Variants in FLRT2 observed in about 807,000 individuals in gnomAD.
FLRT2 encodes the protein leucine-rich repeat transmembrane protein FLRT2.
A neutral mutation model predicts 40.0 loss-of-function variants in FLRT2; 15 were observed. That is an observed-to-expected ratio of 0.38 (90% CI 0.25 to 0.58). FLRT2 has a LOEUF of 0.58. FLRT2 is among the 20% of genes least tolerant of loss of function. The pLI is 0.71. For synonymous variants in FLRT2, 380 were observed against 336.8 expected, an observed-to-expected ratio of 1.13 and a Z score of -1.41; for missense variants, 726 against 840.0, an observed-to-expected ratio of 0.86 and a Z score of 1.68.
chr14:85,567,635 A>ATTTT (rs34161461), intron 1 of FLRT2, among the ~76,000 whole-genome samples: 2 of 75,060 alleles, frequency 2.7e-5, no homozygotes, highest in African/African-American at 4.9e-5. Flanking sequence ...AGTGACTTAC[A>ATTTT]TTTTTTTTTT....
Position 85,621,608 on chromosome 14 carries a change from A to G in FLRT2, c.94A>G (p.Lys32Glu). The G allele has an allele frequency of 6.2e-7, 1 of 1,614,084 alleles. No individual in the cohort carries two copies. The highest frequency in any genetic ancestry group is 8.5e-7 in the Non-Finnish European group (1 of 1,180,018). ...CCTGGGGCTCTACTCACAGGTGTCCAAACTCCTGGCCTGCCCTAGTGTGTG... is the reference window on the plus strand; with the variant it reads ...CCTGGGGCTCTACTCACAGGTGTCCGAACTCCTGGCCTGCCCTAGTGTGTG... The part of the protein sequence containing the change: ...ISLGLYSQVS[K>E]LLACPSVCRC... The change falls in exon 2 of 2, where the codon AAA becomes GAA. Residue 32 changes from lysine (K) to glutamate (E), a missense_variant. Physicochemically the swap from Lys to Glu is moderately conservative, Grantham distance 56. This residue lies in a region of FLRT2 where 106 missense variants were observed against 121.2 expected (regional missense o/e 0.87). Transcript: ENST00000330753.
chr14:85,595,066 G>T (rs1280103350), intron 1 of FLRT2, among the ~76,000 whole-genome samples: 2 of 152,070 alleles, frequency 1.3e-5, no homozygotes, highest in African/African-American at 2.4e-5. Context: ...GAAGAGGAGG[G>T]GTTGGTCTTG....
At chr14:85,542,211 T>C (rs74068821) in intron 1 of FLRT2, among the ~76,000 whole-genome samples, 2,245 of 152,308 alleles carry the variant, frequency 0.015, 49 homozygotes, top group African/African-American at 0.051. Context: ...TCTTACTGTT[T>C]CTACTGCAGA....
At position 85,623,476 on chromosome 14, in the gene FLRT2, C is replaced by A. The variant is rs759725567; in HGVS notation, c.1962C>A (p.Asp654Glu). The stretch of plus-strand genomic sequence containing the variant: ...GATACTGCAACAGCAGCGTGCCAGA[C>A]CTGGAGCACTGCCATACGTGACAGC... ...NMRYCNSSVPDLEHCHT is the reference protein window; with the variant it reads ...NMRYCNSSVPELEHCHT Residue 654 changes from aspartate (D) to glutamate (E), a missense_variant, in exon 2 of 2, where the codon GAC (aspartate) becomes GAA (glutamate). Asp to Glu is a conservative substitution (Grantham distance 45). Coordinates refer to ENST00000330753, the MANE Select transcript of FLRT2 (RefSeq NM_013231.6). The A allele has an allele frequency of 2.1e-6, 3 of 1,449,128 alleles. No homozygotes were observed. Among genetic ancestry groups the A allele is most frequent in the Non-Finnish European group, 9.1e-7 (1 of 1,101,154 alleles). The allele number at this position is 1,449,128 out of a possible 1,614,324, so 89.8% of individuals were successfully genotyped here.
At chr14:85,551,608 G>A (rs8022265) in intron 1 of FLRT2, 30,196 of 152,046 alleles carry the variant, frequency 0.2, 3,504 homozygotes, top group African/African-American at 0.3. Flanking sequence ...ATGAATGCAT[G>A]CATACATGGA....
chr14:85,652,971 A>C lies in FLRT2; in HGVS notation c.*29474A>C, dbSNP rs1160816046. 1 of 152,144 alleles carries C rather than the reference A, an allele frequency of 6.6e-6. No homozygotes were observed. The highest frequency in any genetic ancestry group is 2.4e-5 in the African/African-American group (1 of 41,452). 9.4% of individuals were successfully genotyped at this position (152,144 alleles called of 1,614,324 possible). ...GGGGAATGTCATAGTTCATTCTGTG[A>C]GTGGAAGTTGCCTTTAACCACATGA... On this transcript the variant is annotated 3_prime_UTR_variant, in exon 2 of 2. Coordinates refer to ENST00000330753, the MANE Select transcript of FLRT2 (RefSeq NM_013231.6).
At chr14:85,557,902 G>C (rs1173394512) in intron 1 of FLRT2, among the ~76,000 whole-genome samples, 1 of 152,148 alleles carries the variant, frequency 6.6e-6, no homozygotes, top group Non-Finnish European at 1.5e-5. Context: ...TATGTCGCTA[G>C]TTCATGGTAG....
At chr14:85,613,236 G>C (rs376380702) in intron 1 of FLRT2, among the ~76,000 whole-genome samples, 6 of 152,118 alleles carry the variant, frequency 3.9e-5, no homozygotes, top group Admixed American at 6.5e-5. Flanking sequence ...AGCCATCATA[G>C]AACTGAACTG....
chr14:85,614,975 T>G (rs920128320), intron 1 of FLRT2, among the ~76,000 whole-genome samples: 21 of 152,332 alleles, frequency 1.4e-4, no homozygotes, highest in Non-Finnish European at 2.1e-4. Flanking sequence ...TTATTAGTAC[T>G]CTCTCAATTT....
At chr14:85,535,900 T>TG (rs1566713994) in intron 1 of FLRT2, among the ~76,000 whole-genome samples, 182 of 69,490 alleles carry the variant, frequency 2.6e-3, no homozygotes, top group Non-Finnish European at 4.0e-3. Flanking sequence ...CTGTTTTTTT[T>TG]TTTTTTTTTT....
Position 85,639,254 on chromosome 14 carries a change from T to A in FLRT2, c.*15757T>A, listed in dbSNP as rs947778396. On this transcript the variant is annotated 3_prime_UTR_variant, in exon 2 of 2. Coordinates refer to ENST00000330753, the MANE Select transcript of FLRT2 (RefSeq NM_013231.6). Reference sequence around the variant, plus strand: ...GCCCTGTTTCCTTTTCCTTGACAAATTCAGTTAACCGGATGGCAAGTTGTT... The same window carrying A: ...GCCCTGTTTCCTTTTCCTTGACAAAATCAGTTAACCGGATGGCAAGTTGTT... 6.6e-6 allele frequency: 1 copy of A among 152,190 alleles called. No homozygotes were observed. The highest frequency in any genetic ancestry group is 2.4e-5 in the African/African-American group (1 of 41,446). The allele number at this position is 152,190 out of a possible 1,614,324, so 9.4% of individuals were successfully genotyped here.
rs1357643201 is a variant in FLRT2 at position 85,648,429 on chromosome 14, G to T, written c.*24932G>T. On this transcript the variant is annotated 3_prime_UTR_variant, in exon 2 of 2. Transcript: ENST00000330753. ...CTTATACATTTGGAAAGGCAAAAAT[G>T]AGGCAGAGGCCATCTTTGTGTTGCT... The T allele has an allele frequency of 6.6e-6, 1 of 152,156 alleles. No individual in the cohort carries two copies. The highest frequency in any genetic ancestry group is 2.4e-5 in the African/African-American group (1 of 41,442). 9.4% of individuals were successfully genotyped at this position (152,156 alleles called of 1,614,324 possible). A position where few individuals can be genotyped will look rare whatever the true frequency, so the allele number is the denominator to read the frequency against.
chr14:85,609,346 T>C lies in FLRT2; in HGVS notation c.-376-11793T>C, dbSNP rs552084216. Among the ~76,000 whole-genome samples, 199 of 152,262 alleles carry C rather than the reference T, an allele frequency of 1.3e-3. 1 individual carries two copies. The highest frequency in any genetic ancestry group is 4.5e-3 in the African/African-American group (185 of 41,564). ...AGGGGTGTTGGTTGTAGGTCTAAGG[T>C]TGGTACTGTGGTCAATTTCAGCTTT... On this transcript the variant is annotated intron_variant, in intron 1 of 1. Transcript: ENST00000330753.
At chr14:85,577,482 C>A (rs1891166307) in intron 1 of FLRT2, among the ~76,000 whole-genome samples, 1 of 152,164 alleles carries the variant, frequency 6.6e-6, no homozygotes, top group Non-Finnish European at 1.5e-5. Context: ...TCCCTGCAGC[C>A]ATGCTCCCTT....
rs1184913585 is a variant in FLRT2 at position 85,621,243 on chromosome 14, CGGCTGATAACT to C, written c.-271_-261del. The C allele has an allele frequency of 2.1e-6, 1 of 474,802 alleles. No individual in the cohort carries two copies. 29.4% of individuals were successfully genotyped at this position (474,802 alleles called of 1,614,324 possible). On this transcript the variant is annotated 5_prime_UTR_variant, in exon 2 of 2. An upstream open reading frame in the 5' UTR loses its in-frame stop. Transcript: ENST00000330753. Reference sequence around the variant, plus strand: ...CTGCCCACTTGGGCTTGTGTTGACACGGCTGATAACTTGCCATCACCTGTTGCCAGTGTGGA... The same window carrying C: ...CTGCCCACTTGGGCTTGTGTTGACACTGCCATCACCTGTTGCCAGTGTGGA...
At chr14:85,531,734 C>CG (rs1888291147) in intron 1 of FLRT2, among the ~76,000 whole-genome samples, 1 of 152,194 alleles carries the variant, frequency 6.6e-6, no homozygotes, top group Non-Finnish European at 1.5e-5. Flanking sequence ...CCCTCCTCCC[C>CG]GGGATACGTA....
intron 1 of FLRT2, among the ~76,000 whole-genome samples, chr14:85,588,521 A>G (rs1330836188): frequency 1.3e-5 from 2 of 151,580 alleles, no homozygotes; most frequent in Non-Finnish European, 2.9e-5. Flanking sequence ...TTTATGAGGT[A>G]CATAAGATGT....
At chr14:85,606,917 A>C (rs1403124390) in intron 1 of FLRT2, among the ~76,000 whole-genome samples, 6 of 145,696 alleles carry the variant, frequency 4.1e-5, no homozygotes, top group African/African-American at 1.6e-4. Context: ...ACCCCCTGCC[A>C]CCATCCGAAG....
chr14:85,547,938 T>C (rs1419367613), intron 1 of FLRT2, among the ~76,000 whole-genome samples: 2 of 152,214 alleles, frequency 1.3e-5, no homozygotes, highest in Non-Finnish European at 2.9e-5. Flanking sequence ...TTGCATTCTT[T>C]TGAGTTTCTG....
Sources: allele counts gnomAD v4.1 joint callset (sites outside exome capture counted in the v4.1 genomes callset), GRCh38; gene constraint gnomAD v4.1.1; regional missense constraint gnomAD v4.1.1; transcripts MANE v1.5; gene names NCBI Gene and HGNC (gene_info 2026-07-23, HGNC 2026-07-21).